The following PRRC2B variants were observed in gnomAD, a reference collection of about 807,000 sequenced individuals.
PRRC2B encodes protein PRRC2B.
Under a neutral mutation model 242.3 loss-of-function variants are expected in PRRC2B, and 68 were observed. The observed-to-expected ratio is 0.28, with a 90% CI of 0.23 to 0.34. The LOEUF (loss-of-function observed/expected upper bound fraction) is 0.34, where lower values mean the gene tolerates loss of function less well. Among genes scored for constraint, PRRC2B ranks in the 10% least tolerant of loss-of-function variants. PRRC2B has a pLI of 1.00. For synonymous variants in PRRC2B, 1,228 were observed against 1,173.6 expected (o/e 1.05, Z -0.95); for missense variants, 2,835 against 2,954.8 (o/e 0.96, Z 0.94).
chr9:131,456,417 G>A (rs1053916769), intron 10 of PRRC2B, among the ~76,000 whole-genome samples: 3 of 152,044 alleles, frequency 2.0e-5, no homozygotes, highest in African/African-American at 7.2e-5. Context: ...GGATCACGAG[G>A]TCAGGAGATC....
At position 131,477,731 on chromosome 9, in the gene PRRC2B, C is replaced by CT. The variant is rs1564297785; in HGVS notation, c.4407-10dup. ...CCCCAGCTCTGGTTAACAAGATCCT[C>CT]TTTCCCTTACAGATCCCCAGACGAG... is the stretch of plus-strand genomic sequence containing the variant. On this transcript the variant is annotated splice_polypyrimidine_tract_variant and intron_variant, in intron 16 of 31. Coordinates refer to ENST00000683519, the MANE Select transcript of PRRC2B (RefSeq NM_013318.4). 1.3e-6 allele frequency: 2 copies of CT among 1,560,110 alleles called. No homozygotes were observed. The highest frequency in any genetic ancestry group is 1.7e-5 in the Admixed American group (1 of 59,342).
Position 131,430,108 on chromosome 9 carries a change from C to G in PRRC2B, c.-37C>G. 8.1e-7 allele frequency: 1 copy of G among 1,233,222 alleles called. No homozygotes were observed. The highest frequency in any genetic ancestry group is 1.2e-6 in the Non-Finnish European group (1 of 857,644). The allele number at this position is 1,233,222 out of a possible 1,614,324, so 76.4% of individuals were successfully genotyped here. On this transcript the variant is annotated 5_prime_UTR_variant, in exon 2 of 32. Transcript: ENST00000683519. ...TTCAAAGGCAGATCGGGAGCGGTGC[C>G]GAGAAAAATTTCCTTACTAGATGAC...
chr9:131,410,991 A>G (rs902869912), intron 1 of PRRC2B, among the ~76,000 whole-genome samples: 2 of 151,820 alleles, frequency 1.3e-5, no homozygotes, highest in African/African-American at 4.8e-5. Context: ...AAGTTTTCTT[A>G]CGGCCAGTAA....
intron 3 of PRRC2B, among the ~76,000 whole-genome samples, chr9:131,433,282 C>A (rs565884481): frequency 6.6e-6 from 1 of 152,220 alleles, no homozygotes; most frequent in South Asian, 2.1e-4. Context: ...TCTGCTGTTG[C>A]TCTAAACAGA....
intron 28 of PRRC2B, among the ~76,000 whole-genome samples, chr9:131,489,444 G>A (rs1259544754): frequency 6.6e-6 from 1 of 152,106 alleles, no homozygotes; most frequent in Non-Finnish European, 1.5e-5. Context: ...GCCTCCCAAA[G>A]TGCTGGGATT....
intron 1 of PRRC2B, among the ~76,000 whole-genome samples, chr9:131,405,656 G>A (rs1429963366): frequency 6.6e-6 from 1 of 152,206 alleles, no homozygotes; most frequent in African/African-American, 2.4e-5. Context: ...ATCAGGCTAG[G>A]CTGGCGGGGA....
chr9:131,430,561 A>AGGTGTG, intron 2 of PRRC2B, among the ~76,000 whole-genome samples: 1 of 118,718 alleles, frequency 8.4e-6, no homozygotes, highest in South Asian at 3.2e-4. Flanking sequence ...GTGTGTGTGT[A>AGGTGTG]TGTGTGTGTG....
intron 1 of PRRC2B, among the ~76,000 whole-genome samples, chr9:131,427,868 T>G (rs1026469056): frequency 3.3e-5 from 5 of 152,214 alleles, no homozygotes; most frequent in African/African-American, 1.2e-4. Context: ...TGCTTTAGCT[T>G]TGTTTTCCAG....
chr9:131,413,304 C>G (rs563453011), intron 1 of PRRC2B, among the ~76,000 whole-genome samples: 2 of 152,314 alleles, frequency 1.3e-5, no homozygotes, highest in East Asian at 3.9e-4. Context: ...GGGACAGATA[C>G]AGAATGTGAG....
At chr9:131,428,534 T>G (rs1355808943) in intron 1 of PRRC2B, among the ~76,000 whole-genome samples, 1 of 152,150 alleles carries the variant, frequency 6.6e-6, no homozygotes, top group Non-Finnish European at 1.5e-5. Flanking sequence ...GTAGCTGGGA[T>G]TATAAGCATG....
chr9:131,394,071 G>GAGGGAGCGAGCGGCGAGAC (rs1157391358), upstream of PRRC2B: 6 of 149,970 alleles, frequency 4.0e-5, no homozygotes, highest in Non-Finnish European at 9.0e-5. Flanking sequence ...AGCCGAGCGC[G>GAGGGAGCGAGCGGCGAGAC]AGGGAGCGAG....
intron 5 of PRRC2B, among the ~76,000 whole-genome samples, chr9:131,440,896 T>A (rs1331557790): frequency 6.6e-6 from 1 of 152,016 alleles, no homozygotes; most frequent in Non-Finnish European, 1.5e-5. Context: ...GTCCGGTAGT[T>A]CGAGACCAGC....
chr9:131,423,337 C>T (rs373034247), intron 1 of PRRC2B, among the ~76,000 whole-genome samples: 4 of 152,212 alleles, frequency 2.6e-5, no homozygotes, highest in African/African-American at 7.2e-5. Flanking sequence ...GGATGCTCAC[C>T]GGTGCTTTCT....
Position 131,447,890 on chromosome 9 carries a change from G to A in PRRC2B, c.1120+86G>A, listed in dbSNP as rs544950066. On this transcript the variant is annotated intron_variant, in intron 9 of 31. Coordinates refer to ENST00000683519, the MANE Select transcript of PRRC2B (RefSeq NM_013318.4). ...GGGATGGAAACCCCCTGGCACCACC[G>A]TGTGTTTTCCCTTGGCAAGATAGGG... The A allele has an allele frequency of 2.2e-5, 31 of 1,424,136 alleles. No homozygotes were observed. The East Asian group carries it at 3.3e-4, about 15-fold the overall frequency. The allele number at this position is 1,424,136 out of a possible 1,614,324, so 88.2% of individuals were successfully genotyped here.
At chr9:131,438,233 C>A in intron 4 of PRRC2B, among the ~76,000 whole-genome samples, 1 of 152,190 alleles carries the variant, frequency 6.6e-6, no homozygotes, top group Middle Eastern at 3.4e-3. Flanking sequence ...GTGGAAAAGA[C>A]GGGTGAGCTT....
intron 1 of PRRC2B, among the ~76,000 whole-genome samples, chr9:131,394,926 A>G (rs1837001623): frequency 6.7e-6 from 1 of 148,758 alleles, no homozygotes; most frequent in South Asian, 2.1e-4. Flanking sequence ...TTAATAATAA[A>G]CAGGATGTCG....
At chr9:131,420,954 G>A (rs1487869042) in intron 1 of PRRC2B, among the ~76,000 whole-genome samples, 1 of 152,154 alleles carries the variant, frequency 6.6e-6, no homozygotes, top group East Asian at 1.9e-4. Context: ...ATGTATTCAT[G>A]TCCATACTTT....
chr9:131,495,708 T>C, intron 31 of PRRC2B, 32 bp from the exon 32 acceptor site: 1 of 1,589,130 alleles, frequency 6.3e-7, no homozygotes, highest in Non-Finnish European at 8.6e-7. Flanking sequence ...AGCGTCAGGG[T>C]CACTTTGTTT....
Position 131,476,548 on chromosome 9 carries a change from ACCATCTGGGC to A in PRRC2B, c.4406+16_4406+25del. 1 of 1,562,820 alleles carries A rather than the reference ACCATCTGGGC, an allele frequency of 6.4e-7. No individual in the cohort carries two copies. The highest frequency in any genetic ancestry group is 1.2e-5 in the South Asian group (1 of 83,604). ...TGAAAGTGAAAAGGTAAAACCAGAC[ACCATCTGGGC>A]CCTTTTTGTTGTTGTGTTCTGTTCT... On this transcript the variant is annotated intron_variant, in intron 16 of 31. Transcript: ENST00000683519.
Sources: gnomAD v4.1 joint callset for allele counts (sites outside exome capture counted in the v4.1 genomes callset) on GRCh38, gnomAD v4.1.1 for gene constraint, MANE v1.5 for transcripts, NCBI Gene and HGNC (gene_info 2026-07-23, HGNC 2026-07-21) for gene names.